Variants in GRM5 observed in about 807,000 individuals in gnomAD.
The protein encoded by GRM5 is glutamate metabotropic receptor 5.
A neutral mutation model predicts 83.1 loss-of-function variants in GRM5; 19 were observed. That is an observed-to-expected ratio of 0.23 (90% confidence interval 0.16 to 0.34). GRM5 has a LOEUF of 0.34. Ranked by LOEUF, GRM5 falls within the 10% of genes least tolerant of loss-of-function variation. The pLI is 1.00. For synonymous variants in GRM5, 675 were observed against 633.6 expected (o/e 1.07, Z -0.98); for missense variants, 1,160 against 1,588.3 (o/e 0.73, Z 4.58).
At chr11:89,045,962 A>G (rs1941633739) in intron 2 of GRM5, among the ~76,000 whole-genome samples, 1 of 152,148 alleles carries the variant, frequency 6.6e-6, no homozygotes, top group Admixed American at 6.6e-5. Flanking sequence ...CATGACCCCC[A>G]TAACCACAGA....
rs190915680 is a variant in GRM5 at position 88,638,077 on chromosome 11, T to G, written c.1147+15091A>C. Among the ~76,000 whole-genome samples, 1,344 of 148,502 alleles carry G rather than the reference T, an allele frequency of 9.1e-3. 21 individuals carry two copies. The highest frequency in any genetic ancestry group is 0.031 in the African/African-American group (1,238 of 40,218). ...AGAACAAAAAACCAAACACTGCGTATTCTCACTCTTAGGTGGGAATTGAAC... is the reference window on the plus strand; with the variant it reads ...AGAACAAAAAACCAAACACTGCGTAGTCTCACTCTTAGGTGGGAATTGAAC... On this transcript the variant is annotated intron_variant, in intron 4 of 9. Coordinates refer to ENST00000305447, the MANE Select transcript of GRM5 (RefSeq NM_001143831.3).
At chr11:88,803,370 G>C (rs1478524229) in intron 3 of GRM5, among the ~76,000 whole-genome samples, 1 of 152,010 alleles carries the variant, frequency 6.6e-6, no homozygotes, top group African/African-American at 2.4e-5. Flanking sequence ...AGAGCCCTCA[G>C]AAATAACACC....
intron 8 of GRM5, among the ~76,000 whole-genome samples, chr11:88,532,181 C>T (rs1021246567): frequency 1.3e-5 from 2 of 152,068 alleles, no homozygotes; most frequent in African/African-American, 4.8e-5. Context: ...GAGGGTAAGT[C>T]TGGGGAGTAA....
In GRM5 at chr11:88,890,274, G is replaced by C. The variant is rs1372065032; in HGVS notation, c.662-40119C>G. ...CCTCCTTTAGGGGACCAAAAATCTAGTATAAAATGGCACACTTAATTTTAG... is the reference window on the plus strand; with the variant it reads ...CCTCCTTTAGGGGACCAAAAATCTACTATAAAATGGCACACTTAATTTTAG... On this transcript the variant is annotated intron_variant, in intron 2 of 9. Coordinates refer to ENST00000305447, the MANE Select transcript of GRM5 (RefSeq NM_001143831.3). Among the ~76,000 whole-genome samples the C allele has an allele frequency of 2.0e-5, 3 of 152,088 alleles. No homozygotes were observed. In the East Asian group the frequency reaches 5.8e-4, roughly 29 times the overall value.
chr11:88,976,609 G>C (rs894790555), intron 2 of GRM5, among the ~76,000 whole-genome samples: 1 of 152,070 alleles, frequency 6.6e-6, no homozygotes, highest in Non-Finnish European at 1.5e-5. Flanking sequence ...ATAGATTTGA[G>C]GAGGAGGTTG....
chr11:88,917,254 A>T (rs1163253289), intron 2 of GRM5, among the ~76,000 whole-genome samples: 2 of 152,242 alleles, frequency 1.3e-5, no homozygotes, highest in African/African-American at 4.8e-5. Context: ...CACCTGTATG[A>T]GTCAGCAAGA....
At chr11:88,898,424 CA>C (rs372993270) in intron 2 of GRM5, among the ~76,000 whole-genome samples, 6 of 152,024 alleles carry the variant, frequency 3.9e-5, no homozygotes, top group African/African-American at 1.4e-4. Context: ...ATAATTCAAC[CA>C]AAACACCAGT....
In GRM5 at chr11:88,637,290, C is replaced by A. The variant is rs1367782650; in HGVS notation, c.1147+15878G>T. 2.0e-5 allele frequency among the ~76,000 whole-genome samples: 3 copies of A among 151,976 alleles called. No homozygotes were observed. The East Asian group carries it at 5.8e-4, about 29-fold the overall frequency. On this transcript the variant is annotated intron_variant, in intron 4 of 9. Transcript: ENST00000305447. ...CACCAAAAGCAATGGCAACAAAAGA[C>A]AAAATTGACAAATGGGATCTAATTA...
chr11:88,613,184 T>C (rs1235410740), intron 4 of GRM5, among the ~76,000 whole-genome samples: 1 of 152,188 alleles, frequency 6.6e-6, no homozygotes, highest in Non-Finnish European at 1.5e-5. Context: ...TGTTTTTGGA[T>C]GGATTGTTCT....
intron 3 of GRM5, among the ~76,000 whole-genome samples, chr11:88,787,943 G>T (rs1316308069): frequency 6.6e-6 from 1 of 152,172 alleles, no homozygotes; most frequent in African/African-American, 2.4e-5. Context: ...ACATAGGCTA[G>T]ATCTATGCCT....
intron 3 of GRM5, among the ~76,000 whole-genome samples, chr11:88,666,283 G>A (rs550500949): frequency 2.6e-5 from 4 of 152,152 alleles, no homozygotes; most frequent in African/African-American, 4.8e-5. Flanking sequence ...TTTTTTATTC[G>A]GCAGGCTAAG....
chr11:88,747,883 G>C (rs1300782662), intron 3 of GRM5, among the ~76,000 whole-genome samples: 1 of 152,128 alleles, frequency 6.6e-6, no homozygotes. Flanking sequence ...GCTGTGGTCT[G>C]CAGCACTCAT....
At chr11:88,579,507 G>C (rs11821168) in intron 7 of GRM5, among the ~76,000 whole-genome samples, 25,502 of 152,114 alleles carry the variant, frequency 0.17, 3,002 homozygotes, top group African/African-American at 0.34. Flanking sequence ...AGTATTAAAC[G>C]GGTTGCTCAG....
At chr11:88,998,006 A>C (rs983953132) in intron 2 of GRM5, among the ~76,000 whole-genome samples, 5 of 148,540 alleles carry the variant, frequency 3.4e-5, no homozygotes, top group African/African-American at 1.3e-4. Flanking sequence ...CCTGGTATGA[A>C]AACTAATAAC....
chr11:88,988,679 AG>A (rs1939838379), intron 2 of GRM5, among the ~76,000 whole-genome samples: 1 of 151,832 alleles, frequency 6.6e-6, no homozygotes, highest in African/African-American at 2.4e-5. Context: ...AAACCCTACA[AG>A]CCAGAAGAGA....
chr11:88,992,269 CTCA>C (rs1940004322), intron 2 of GRM5, among the ~76,000 whole-genome samples: 1 of 152,050 alleles, frequency 6.6e-6, no homozygotes, highest in African/African-American at 2.4e-5. Context: ...TGAAAAATTT[CTCA>C]TCATCACTGG....
intron 3 of GRM5, among the ~76,000 whole-genome samples, chr11:88,749,094 G>A (rs1346584776): frequency 6.6e-6 from 1 of 152,188 alleles, no homozygotes; most frequent in Non-Finnish European, 1.5e-5. Context: ...GACTGAGGCT[G>A]AGATGGCTGA....
intron 3 of GRM5, among the ~76,000 whole-genome samples, chr11:88,673,281 G>C (rs1182208287): frequency 6.6e-6 from 1 of 151,860 alleles, no homozygotes; most frequent in Non-Finnish European, 1.5e-5. Flanking sequence ...TGTTTATGAG[G>C]ACAAAGAGGC....
intron 3 of GRM5, among the ~76,000 whole-genome samples, chr11:88,777,169 G>A (rs139148141): frequency 2.6e-4 from 39 of 152,056 alleles, no homozygotes; most frequent in African/African-American, 6.5e-4. Flanking sequence ...TTGTCTTCTC[G>A]CTTTATTTCA....
Sources: gnomAD v4.1 joint callset for allele counts (sites outside exome capture counted in the v4.1 genomes callset) on GRCh38, gnomAD v4.1.1 for gene constraint, MANE v1.5 for transcripts, NCBI Gene and HGNC (gene_info 2026-07-23, HGNC 2026-07-21) for gene names.